Variants in ZNF875 observed in about 807,000 individuals in gnomAD.
ZNF875 encodes the protein zinc finger protein 875, also known as HKR1, GLI-Kruppel zinc finger family member.
ZNF875 carries 14 observed loss-of-function variants against 11.2 expected under a neutral mutation model. The observed-to-expected ratio is 1.26, with a 90% CI of 0.83 to 1.96. The LOEUF (loss-of-function observed/expected upper bound fraction) is 1.96. Ranked by LOEUF, ZNF875 falls within the 30% of genes most tolerant of loss-of-function variation. ZNF875 has a pLI of 0.00. For synonymous variants in ZNF875, 301 were observed against 281.1 expected, an observed-to-expected ratio of 1.07 and a Z score of -0.71; for missense variants, 752 against 760.4, an observed-to-expected ratio of 0.99 and a Z score of 0.13.
intron 4 of ZNF875, among the ~76,000 whole-genome samples, chr19:37,352,221 C>CTT (rs879441345): frequency 7.0e-6 from 1 of 142,158 alleles, no homozygotes; most frequent in African/African-American, 2.6e-5. Context: ...CTACTCCAGG[C>CTT]TTTTTTTTTT....
intron 4 of ZNF875, among the ~76,000 whole-genome samples, chr19:37,351,559 C>G (rs1357589279): frequency 6.6e-6 from 1 of 152,104 alleles, no homozygotes; most frequent in South Asian, 2.1e-4. Context: ...ACATATATAT[C>G]TGTACATTTA....
intron 2 of ZNF875, among the ~76,000 whole-genome samples, chr19:37,340,644 C>CTTTTTTTTTT (rs386388968): frequency 3.8e-5 from 4 of 104,716 alleles, no homozygotes; most frequent in Admixed American, 1.1e-4. Flanking sequence ...CTTATGTGTA[C>CTTTTTTTTTT]TTTTTTTTTT....
intron 4 of ZNF875, among the ~76,000 whole-genome samples, chr19:37,361,200 T>A (rs1019636402): frequency 2.1e-5 from 3 of 144,936 alleles, no homozygotes; most frequent in African/African-American, 7.6e-5. Context: ...AACGTCCGCC[T>A]CCGGGGTTCA....
At chr19:37,361,913 TA>T (rs11344990) in intron 4 of ZNF875, 195 bp from the exon 5 acceptor site, 119,327 of 450,918 alleles carry the variant, frequency 0.26, 13,527 homozygotes, top group African/African-American at 0.52. Flanking sequence ...AGACTCCGTT[TA>T]AAAAAAAAAA....
upstream of ZNF875, among the ~76,000 whole-genome samples, chr19:37,330,956 G>C (rs1442084802): frequency 7.2e-5 from 11 of 152,028 alleles, no homozygotes; most frequent in African/African-American, 2.7e-4. Flanking sequence ...GGAGGCTGAG[G>C]CGGGTGGATC....
chr19:37,340,781 T>G (rs1182043514), intron 2 of ZNF875, among the ~76,000 whole-genome samples: 2 of 151,508 alleles, frequency 1.3e-5, no homozygotes, highest in African/African-American at 4.9e-5. Flanking sequence ...CCCGAGTAGC[T>G]GGGACTACAG....
chr19:37,348,042 CTTCCCTGG>C (rs2037158364), intron 4 of ZNF875, among the ~76,000 whole-genome samples, 170 bp downstream of exon 4: 1 of 152,096 alleles, frequency 6.6e-6, no homozygotes, highest in African/African-American at 2.4e-5. Flanking sequence ...GAGGGAGGGA[CTTCCCTGG>C]TTCCCTTGTC....
chr19:37,363,940 G>C lies in ZNF875; in HGVS notation c.*165G>C, dbSNP rs1468202624. Reference sequence around the variant, plus strand: ...GCATGAGACTGTACTGGTAAGACTTGTATCTCCATCCACCTGAAGGAGAAT... The same window carrying C: ...GCATGAGACTGTACTGGTAAGACTTCTATCTCCATCCACCTGAAGGAGAAT... On this transcript the variant is annotated 3_prime_UTR_variant, in exon 5 of 5. Transcript: ENST00000392153. 2.1e-5 allele frequency: 13 copies of C among 609,376 alleles called. No homozygotes were observed. Among genetic ancestry groups the C allele is most frequent in the Non-Finnish European group, 3.8e-5 (13 of 341,778 alleles). 37.7% of individuals were successfully genotyped at this position (609,376 alleles called of 1,614,324 possible).
chr19:37,317,179 G>GTTTTTTTTTTT (rs774349345), upstream of ZNF875: 2 of 59,018 alleles, frequency 3.4e-5, no homozygotes, highest in African/African-American at 7.4e-5. Flanking sequence ...TACTAACCTG[G>GTTTTTTTTTTT]TTTTTTTTTT....
chr19:37,338,669 C>T (rs973012787), intron 2 of ZNF875, among the ~76,000 whole-genome samples: 1 of 152,156 alleles, frequency 6.6e-6, no homozygotes, highest in African/African-American at 2.4e-5. Context: ...AAGATGAAAC[C>T]TCTGTGTCTC....
At chr19:37,326,873 G>T (rs1450450653) in intron 4 of ZNF875, among the ~76,000 whole-genome samples, 1 of 151,714 alleles carries the variant, frequency 6.6e-6, no homozygotes, top group African/African-American at 2.4e-5. Context: ...TTGCCATTTT[G>T]GCTAGCCTGG....
chr19:37,316,059 A>G (rs1237745523), upstream of ZNF875, among the ~76,000 whole-genome samples: 8 of 152,196 alleles, frequency 5.3e-5, no homozygotes, highest in Non-Finnish European at 1.0e-4. Context: ...ATTCATCAAA[A>G]TTATAGTAAA....
Position 37,362,745 on chromosome 19 carries a change from TCA to T in ZNF875, c.898_899del (p.His300SerfsTer48). The T allele has an allele frequency of 6.2e-7, 1 of 1,613,432 alleles. No individual in the cohort carries two copies. Among genetic ancestry groups the T allele is most frequent in the Non-Finnish European group, 8.5e-7 (1 of 1,179,664 alleles). On this transcript the variant is annotated frameshift_variant, in exon 5 of 5. Coordinates refer to ENST00000392153, the MANE Select transcript of ZNF875 (RefSeq NM_001353803.2). LOFTEE classifies it low-confidence loss of function (END_TRUNC). ...GGCTTTACGTGGAAGTCAAACCTGA[TCA>T]CACATCAGAGGACACACTCAGGGGA...
In ZNF875 at chr19:37,363,771, G is replaced by T. The variant is rs774940414; in HGVS notation, c.1919G>T (p.Gly640Val). 9 of 1,613,312 alleles carry T rather than the reference G, an allele frequency of 5.6e-6. No homozygotes were observed. Among genetic ancestry groups the T allele is most frequent in the Non-Finnish European group, 7.6e-6 (9 of 1,179,406 alleles). Reference protein sequence around the residue: ...NLIRHQRTHSG With the variant: ...NLIRHQRTHSV The stretch of plus-strand genomic sequence containing the variant: ...ATCAGACATCAGAGGACACACTCAG[G>T]ATAGAAACTTTATGTGTATAGGGAA... The change falls in exon 5 of 5, where the codon GGA (glycine) becomes GTA (valine). Residue 640 changes from glycine (G) to valine (V), a missense_variant. Coordinates refer to ENST00000392153, the MANE Select transcript of ZNF875 (RefSeq NM_001353803.2).
At chr19:37,346,940 C>T (rs546632097) in intron 2 of ZNF875, 17 of 387,590 alleles carry the variant, frequency 4.4e-5, no homozygotes, top group African/African-American at 1.9e-4. Flanking sequence ...CTCGGCTTAC[C>T]GCAAGTAACT....
chr19:37,355,177 GT>G (rs969825230), intron 4 of ZNF875, among the ~76,000 whole-genome samples: 1 of 151,878 alleles, frequency 6.6e-6, no homozygotes, highest in African/African-American at 2.4e-5. Flanking sequence ...TGTTTGTTTT[GT>G]TTTTGTCTTT....
At chr19:37,329,532 G>A (rs1176066346) in intron 4 of ZNF875, among the ~76,000 whole-genome samples, 1 of 152,170 alleles carries the variant, frequency 6.6e-6, no homozygotes, top group Non-Finnish European at 1.5e-5. Flanking sequence ...GGTGATGCAT[G>A]CAGATAAATG....
intron 4 of ZNF875, chr19:37,358,041 T>C: frequency 2.5e-6 from 1 of 398,172 alleles, no homozygotes; most frequent in Non-Finnish European, 4.4e-6. Context: ...TATTTTGAGG[T>C]ATGTTCCTTT....
intron 2 of ZNF875, among the ~76,000 whole-genome samples, chr19:37,322,617 G>T (rs1380443031): frequency 6.6e-6 from 1 of 152,176 alleles, no homozygotes; most frequent in African/African-American, 2.4e-5. Flanking sequence ...GATTCATCAT[G>T]AAATGGTGAC....
Sources: gnomAD v4.1 joint callset for allele counts (sites outside exome capture counted in the v4.1 genomes callset) on GRCh38, gnomAD v4.1.1 for gene constraint, MANE v1.5 for transcripts, NCBI Gene and HGNC (gene_info 2026-07-23, HGNC 2026-07-21) for gene names.